BTD: variants seen among roughly 807,000 people sequenced by gnomAD.
BTD encodes the protein biotinidase.
BTD carries 13 observed loss-of-function variants against 17.7 expected under a neutral mutation model. That is an observed-to-expected ratio of 0.74 (90% CI 0.48 to 1.17). BTD has a LOEUF of 1.17. Among genes scored for constraint, BTD ranks in the 50% most tolerant of loss-of-function variants. The pLI, the probability that BTD is intolerant of heterozygous loss-of-function variation, is 0.00. For synonymous variants in BTD, 240 were observed against 245.2 expected (o/e 0.98, Z 0.20); for missense variants, 674 against 650.4 (o/e 1.04, Z -0.39).
chr3:15,700,459 A>C (rs1158515504), intron 3 of BTD, among the ~76,000 whole-genome samples: 2 of 29,594 alleles, frequency 6.8e-5, no homozygotes, highest in Non-Finnish European at 2.4e-4. Context: ...GTATAATGAC[A>C]AAAAAAAAAA....
chr3:15,616,129 G>A (rs980468443), intron 1 of BTD, among the ~76,000 whole-genome samples: 1 of 151,964 alleles, frequency 6.6e-6, no homozygotes, highest in Non-Finnish European at 1.5e-5. Flanking sequence ...CAGTTTTTTT[G>A]GAGACATAAG....
chr3:15,652,013 T>C lies in BTD; in HGVS notation c.*6525T>C, dbSNP rs777730761. 3.3e-5 allele frequency among the ~76,000 whole-genome samples: 5 copies of C among 152,194 alleles called. No individual in the cohort carries two copies. The highest frequency in any genetic ancestry group is 7.3e-5 in the Non-Finnish European group (5 of 68,032). On this transcript the variant is annotated 3_prime_UTR_variant, in exon 4 of 4. Transcript: ENST00000643237. ...AAAATATGGCAGATGCGATGGCATG[T>C]TACTTCTGAAATTGGGTTATAAAAG...
intron 3 of BTD, among the ~76,000 whole-genome samples, chr3:15,680,565 A>T (rs774466359): frequency 6.6e-6 from 1 of 152,140 alleles, no homozygotes; most frequent in Non-Finnish European, 1.5e-5. Flanking sequence ...ATCATAAATT[A>T]TTTAATCTAA....
chr3:15,632,877 T>G (rs2065247831), intron 1 of BTD: 1 of 152,268 alleles, frequency 6.6e-6, no homozygotes, highest in Admixed American at 6.5e-5. Context: ...GTATGTGTGA[T>G]GCCAAAGAGA....
chr3:15,702,659 T>G (rs10510442), intron 3 of BTD, among the ~76,000 whole-genome samples: 1 of 152,126 alleles, frequency 6.6e-6, no homozygotes, highest in Non-Finnish European at 1.5e-5. Flanking sequence ...TTTTGAGTTC[T>G]GAGGCAAGTT....
At position 15,635,348 on chromosome 3, in the gene BTD, A is replaced by G; in HGVS notation, c.-16-76A>G. 6.2e-7 allele frequency: 1 copy of G among 1,604,842 alleles called. No homozygotes were observed. The highest frequency in any genetic ancestry group is 8.5e-7 in the Non-Finnish European group (1 of 1,173,896). Reference sequence around the variant, plus strand: ...GTGAGTTTAATTGCTGGGATTAATAAATCACAGCTGCAAACGTTAAATTCT... The same window carrying G: ...GTGAGTTTAATTGCTGGGATTAATAGATCACAGCTGCAAACGTTAAATTCT... On this transcript the variant is annotated intron_variant, in intron 1 of 3. Transcript: ENST00000643237. This position sits in a 1 kb window ranked among gnomAD's most constrained non-coding sequence, Gnocchi z 4.1.
rs2065743250 is a variant in BTD, at chr3:15,648,470, C to G, written c.*2982C>G. ...ATGTTAGTTACCTATTCCCACATAA[C>G]AAAGTGCCCCAAAACTTAATGGCAT... On this transcript the variant is annotated 3_prime_UTR_variant, in exon 4 of 4. Coordinates refer to ENST00000643237, the MANE Select transcript of BTD (RefSeq NM_001370658.1). Among the ~76,000 whole-genome samples the G allele has an allele frequency of 6.6e-6, 1 of 152,230 alleles. No homozygotes were observed. Among genetic ancestry groups the G allele is most frequent in the Admixed American group, 6.5e-5 (1 of 15,288 alleles).
intron 3 of BTD, among the ~76,000 whole-genome samples, chr3:15,665,830 A>C (rs2065977204): frequency 6.6e-6 from 1 of 152,174 alleles, no homozygotes; most frequent in South Asian, 2.1e-4. Flanking sequence ...ACTTCTGTAT[A>C]ACTTTTCTAT....
Position 15,608,495 on chromosome 3 carries a change from C to T in BTD, c.-17+6601C>T, listed in dbSNP as rs567353471. ...TTAGAAATCAAAATATAGGTCAGTGCGGTGGCTCACACCTGTAATCCCAAC... is the reference window on the plus strand; with the variant it reads ...TTAGAAATCAAAATATAGGTCAGTGTGGTGGCTCACACCTGTAATCCCAAC... On this transcript the variant is annotated intron_variant, in intron 1 of 3. Transcript: ENST00000643237. 2.0e-5 allele frequency among the ~76,000 whole-genome samples: 3 copies of T among 152,060 alleles called. No homozygotes were observed. In the South Asian group the frequency reaches 6.2e-4, roughly 32 times the overall value.
intron 1 of BTD, among the ~76,000 whole-genome samples, chr3:15,603,157 C>G (rs1026201588): frequency 6.6e-6 from 1 of 152,318 alleles, no homozygotes; most frequent in African/African-American, 2.4e-5. Context: ...AGCTATAATT[C>G]AAGATGAGAT....
chr3:15,664,623 G>C (rs566787527), intron 3 of BTD, among the ~76,000 whole-genome samples: 1 of 152,056 alleles, frequency 6.6e-6, no homozygotes, highest in South Asian at 2.1e-4. Context: ...GCTAGTTTTC[G>C]GAGGTCATTC....
intron 3 of BTD, among the ~76,000 whole-genome samples, chr3:15,690,433 A>T (rs1386286821): frequency 6.6e-6 from 1 of 152,262 alleles, no homozygotes; most frequent in Non-Finnish European, 1.5e-5. Flanking sequence ...CATTCTAAAA[A>T]TAATACAAGT....
At chr3:15,625,748 G>T (rs1438254222) in intron 1 of BTD, among the ~76,000 whole-genome samples, 1 of 152,076 alleles carries the variant, frequency 6.6e-6, no homozygotes, top group African/African-American at 2.4e-5. Flanking sequence ...GTAGAGATGG[G>T]GTTTCACCGT....
downstream of BTD, chr3:15,714,492 T>A: frequency 1.1e-6 from 1 of 937,078 alleles, no homozygotes; most frequent in Non-Finnish European, 1.6e-6. Context: ...TGACAATTCC[T>A]CAATACCATT....
intron 3 of BTD, among the ~76,000 whole-genome samples, chr3:15,699,129 T>G (rs2070151067): frequency 6.6e-6 from 1 of 152,052 alleles, no homozygotes; most frequent in Admixed American, 6.6e-5. Flanking sequence ...TGACAAAAAC[T>G]AGCAATGGGG....
chr3:15,616,158 A>G (rs2125374888), intron 1 of BTD, among the ~76,000 whole-genome samples: 1 of 152,334 alleles, frequency 6.6e-6, no homozygotes, highest in South Asian at 2.1e-4. Flanking sequence ...TCCTTTGGGT[A>G]AATACAAAGA....
chr3:15,655,399 G>T (rs2065861555), downstream of BTD, among the ~76,000 whole-genome samples: 1 of 152,214 alleles, frequency 6.6e-6, no homozygotes, highest in Non-Finnish European at 1.5e-5. Context: ...ACCACAAAAT[G>T]TGGCCCTTGT....
chr3:15,601,362 T>A (rs768937650), upstream of BTD: 1 of 1,614,002 alleles, frequency 6.2e-7, no homozygotes, highest in Admixed American at 1.7e-5. Context: ...GAGCCTTTCA[T>A]TCCAGGAAGG....
rs184742694 is a variant in BTD at position 15,644,360 on chromosome 3, C to T, written c.444C>T (p.Phe148=). ...GTATGGCCATCAGGGGAGATATGTT[C>T]TTGGTGGCCAATCTTGGGACAAAGG... The part of the protein sequence containing the change: ...LSCMAIRGDM[F]LVANLGTKEP... Residue 148 remains phenylalanine (F), a synonymous_variant, in exon 4 of 4, where the codon TTC becomes TTT. Transcript: ENST00000643237. 1 of 1,614,020 alleles carries T rather than the reference C, an allele frequency of 6.2e-7. No homozygotes were observed. The highest frequency in any genetic ancestry group is 1.3e-5 in the African/African-American group (1 of 75,022).
Sources: allele counts gnomAD v4.1 joint callset (sites outside exome capture counted in the v4.1 genomes callset), GRCh38; gene constraint gnomAD v4.1.1; non-coding constraint Gnocchi (gnomAD v3.1); transcripts MANE v1.5; gene names NCBI Gene and HGNC (gene_info 2026-07-23, HGNC 2026-07-21).